Variants in APC observed in about 807,000 individuals in gnomAD.
APC encodes adenomatous polyposis coli protein.
APC carries 72 observed loss-of-function variants against 247.0 expected under a neutral mutation model. The ratio of observed to expected loss-of-function variants is 0.29; its 90% CI spans 0.24 to 0.35. The LOEUF is 0.35. Ranked by LOEUF, APC falls within the 10% of genes least tolerant of loss-of-function variation. The pLI, the probability that APC is intolerant of heterozygous loss-of-function variation, is 1.00. For synonymous variants in APC, 1,254 were observed against 1,162.5 expected (o/e 1.08, Z -1.60); for missense variants, 3,400 against 3,360.7 (o/e 1.01, Z -0.29).
At chr5:112,725,430 G>C (rs1751722394) in intron 1 of APC, among the ~76,000 whole-genome samples, 1 of 152,110 alleles carries the variant, frequency 6.6e-6, no homozygotes. Context: ...CTTAATATCA[G>C]AATAGTGTTA....
intron 8 of APC, among the ~76,000 whole-genome samples, chr5:112,809,679 G>T (rs1420019027): frequency 2.0e-5 from 3 of 151,906 alleles, no homozygotes; most frequent in Non-Finnish European, 4.4e-5. Context: ...TTATATTGGA[G>T]TGAGTTGAAG....
Position 112,767,214 on chromosome 5 carries a change from C to A in APC, c.246C>A (p.Phe82Leu), listed in dbSNP as rs755478426. 1.9e-6 allele frequency: 3 copies of A among 1,614,036 alleles called. No homozygotes were observed. Among genetic ancestry groups the A allele is most frequent in the Admixed American group, 1.7e-5 (1 of 60,016 alleles). ...LKELNLDSSN[F>L]PGVKLRSKMS... ...AGCTTAACTTAGATAGCAGTAATTTCCCTGGAGTAAAACTGCGGTCAAAAA... is the reference window on the plus strand; with the variant it reads ...AGCTTAACTTAGATAGCAGTAATTTACCTGGAGTAAAACTGCGGTCAAAAA... The change falls in exon 4 of 16, where the codon TTC becomes TTA. Residue 82 changes from phenylalanine to leucine, a missense_variant. This residue lies in a region of APC where 372 missense variants were observed against 367.6 expected (regional missense o/e 1.01). Transcript: ENST00000257430.
At chr5:112,750,493 T>C (rs1051544410) in intron 1 of APC, among the ~76,000 whole-genome samples, 5 of 151,978 alleles carry the variant, frequency 3.3e-5, no homozygotes, top group African/African-American at 1.2e-4. Flanking sequence ...TTTTTATGTT[T>C]GTTTGTTTTG....
Position 112,840,886 on chromosome 5 carries a change from G to C in APC, c.5292G>C (p.Gln1764His), listed in dbSNP as rs876660722. Reference protein sequence around the residue: ...SASSSAPNKNQLDGKKKKPTS... With the variant: ...SASSSAPNKNHLDGKKKKPTS... The stretch of plus-strand genomic sequence containing the variant: ...CTTCTTCTGCACCCAACAAAAATCA[G>C]TTAGATGGTAAGAAAAAGAAACCAA... Residue 1764 changes from glutamine to histidine, a missense_variant, in exon 16 of 16, where the codon CAG (glutamine) becomes CAC (histidine). Coordinates refer to ENST00000257430, the MANE Select transcript of APC (RefSeq NM_000038.6). The surrounding 1 kb of genome is among the most constrained non-coding windows in gnomAD (Gnocchi z 4.1). The C allele has an allele frequency of 3.7e-6, 6 of 1,613,760 alleles. No individual in the cohort carries two copies. The highest frequency in any genetic ancestry group is 1.7e-5 in the Admixed American group (1 of 60,000).
intron 4 of APC, among the ~76,000 whole-genome samples, chr5:112,771,001 T>C (rs1756984320): frequency 6.6e-6 from 1 of 152,120 alleles, no homozygotes; most frequent in Non-Finnish European, 1.5e-5. Flanking sequence ...CATCATACTA[T>C]ATATATTTAA....
At chr5:112,722,143 T>A (rs942130005) in intron 1 of APC, among the ~76,000 whole-genome samples, 73 of 152,228 alleles carry the variant, frequency 4.8e-4, no homozygotes, top group African/African-American at 1.7e-3. Context: ...TATTGAAGAG[T>A]TTGAAGTTAC....
chr5:112,829,532 G>T (rs1764098306), intron 14 of APC: 1 of 156,694 alleles, frequency 6.4e-6, no homozygotes, highest in Non-Finnish European at 1.4e-5. Context: ...TTATATAAGG[G>T]GATTTAATGT....
chr5:112,712,962 G>A (rs567294640), intron 1 of APC, among the ~76,000 whole-genome samples: 13 of 152,202 alleles, frequency 8.5e-5, no homozygotes, highest in African/African-American at 3.1e-4. Flanking sequence ...CTTGAGGTTA[G>A]GAGTTTGAGA....
At chr5:112,773,657 T>A (rs1757295170) in intron 4 of APC, among the ~76,000 whole-genome samples, 1 of 152,200 alleles carries the variant, frequency 6.6e-6, no homozygotes, top group South Asian at 2.1e-4. Flanking sequence ...AAGGGAATTC[T>A]TGTATAAGTG....
chr5:112,797,560 AG>A (rs532017797), intron 7 of APC, among the ~76,000 whole-genome samples: 9 of 152,208 alleles, frequency 5.9e-5, no homozygotes, highest in Non-Finnish European at 8.8e-5. Context: ...AGTTACATAA[AG>A]GTATGTGAGG....
chr5:112,749,578 C>T (rs776713366), intron 1 of APC, among the ~76,000 whole-genome samples: 9 of 149,568 alleles, frequency 6.0e-5, no homozygotes, highest in Admixed American at 1.4e-4. Context: ...ACCTCCACCT[C>T]CCGTGTTCAA....
rs143407549 is a variant in APC at position 112,754,371 on chromosome 5, T to C, written c.-18-502T>C. Among the ~76,000 whole-genome samples the C allele has an allele frequency of 3.3e-5, 5 of 152,308 alleles. No homozygotes were observed. In the East Asian group the frequency reaches 9.6e-4, roughly 29 times the overall value. On this transcript the variant is annotated intron_variant, in intron 1 of 15. Coordinates refer to ENST00000257430, the MANE Select transcript of APC (RefSeq NM_000038.6). ...TTAGAACTTCAGAACTATTTCACCA[T>C]GGAGGATGTGTAAGATTAGCCTTTT...
At chr5:112,818,897 C>T (rs2149777889) in intron 9 of APC, 69 bp from the exon 10 acceptor site, 2 of 1,315,198 alleles carry the variant, frequency 1.5e-6, no homozygotes, top group Non-Finnish European at 2.1e-6. Flanking sequence ...TCCCATTCAT[C>T]ACTTAATTGG....
At chr5:112,728,997 T>C (rs1188463207) in intron 1 of APC, among the ~76,000 whole-genome samples, 2 of 152,234 alleles carry the variant, frequency 1.3e-5, no homozygotes, top group Non-Finnish European at 1.5e-5. Flanking sequence ...CTAGTTCTGT[T>C]ACTACTTTCT....
rs587780593 is a variant in APC, at chr5:112,838,252, G to T, written c.2658G>T (p.Gln886His). ...RGLQISTTAA[Q>H]IAKVMEEVSA... The stretch of plus-strand genomic sequence containing the variant: ...TGCAGATCTCCACCACTGCAGCCCA[G>T]ATTGCCAAAGTCATGGAAGAAGTGT... The change falls in exon 16 of 16, where the codon CAG becomes CAT. Residue 886 changes from glutamine to histidine, a missense_variant. By Grantham distance (24) the Gln-to-His change is conservative (BLOSUM62 0). Transcript: ENST00000257430. 46 of 1,614,086 alleles carry T rather than the reference G, an allele frequency of 2.8e-5. No individual in the cohort carries two copies. Among genetic ancestry groups the T allele is most frequent in the Non-Finnish European group, 3.7e-5 (44 of 1,180,046 alleles).
chr5:112,786,721 C>T (rs1758990378), intron 6 of APC, among the ~76,000 whole-genome samples: 1 of 152,040 alleles, frequency 6.6e-6, no homozygotes, highest in Admixed American at 6.6e-5. Flanking sequence ...AAAAAGAAAA[C>T]AGCTCTGATA....
At chr5:112,804,532 A>AC (rs1490666721) in intron 8 of APC, among the ~76,000 whole-genome samples, 1 of 152,092 alleles carries the variant, frequency 6.6e-6, no homozygotes, top group Non-Finnish European at 1.5e-5. Flanking sequence ...GGTGTGTGCC[A>AC]CCACACCAAG....
In APC at chr5:112,754,856, C is replaced by T; in HGVS notation, c.-18-17C>T. 1 of 1,612,376 alleles carries T rather than the reference C, an allele frequency of 6.2e-7. No individual in the cohort carries two copies. The highest frequency in any genetic ancestry group is 8.5e-7 in the Non-Finnish European group (1 of 1,179,014). On this transcript the variant is annotated splice_polypyrimidine_tract_variant and intron_variant, in intron 1 of 15. Transcript: ENST00000257430. ...ATTTTTTAGTAGTGAATTTCAAAAT[C>T]CTTTTTAACCTTATAGGTCCAAGGG...
chr5:112,756,928 G>T (rs577306377), intron 2 of APC, among the ~76,000 whole-genome samples: 1 of 151,942 alleles, frequency 6.6e-6, no homozygotes, highest in African/African-American at 2.4e-5. Flanking sequence ...TTCCTAATTC[G>T]AAAATCCAAA....
Sources: gnomAD v4.1 joint callset for allele counts (sites outside exome capture counted in the v4.1 genomes callset) on GRCh38, gnomAD v4.1.1 for gene constraint, gnomAD v4.1.1 regional missense constraint, Gnocchi (gnomAD v3.1) non-coding constraint, MANE v1.5 for transcripts, NCBI Gene and HGNC (gene_info 2026-07-23, HGNC 2026-07-21) for gene names.